The following VPS53 variants were observed in gnomAD, a reference collection of about 807,000 sequenced individuals.
VPS53 encodes VPS53 subunit of GARP complex.
A neutral mutation model predicts 107.0 loss-of-function variants in VPS53; 70 were observed. That is an observed-to-expected ratio of 0.65 (90% CI 0.54 to 0.80). The LOEUF is 0.80. Among genes scored for constraint, VPS53 ranks in the 30% least tolerant of loss-of-function variants. VPS53 has a pLI of 0.00. For missense variants in VPS53, 917 were observed against 1,049.4 expected (o/e 0.87, Z 1.74); for synonymous variants, 409 against 393.3 (o/e 1.04, Z -0.47).
intron 7 of VPS53, among the ~76,000 whole-genome samples, chr17:641,348 A>G (rs564792605): frequency 6.6e-6 from 1 of 152,350 alleles, no homozygotes; most frequent in South Asian, 2.1e-4. Flanking sequence ...ACTTGAAAGA[A>G]TTTATCTTTG....
chr17:658,561 G>A (rs918796930), intron 5 of VPS53, among the ~76,000 whole-genome samples: 2 of 151,010 alleles, frequency 1.3e-5, no homozygotes, highest in African/African-American at 4.9e-5. Flanking sequence ...AAACTTGGCC[G>A]TGAGTTCTTG....
At chr17:535,230 G>GC (rs951743766) in intron 18 of VPS53, among the ~76,000 whole-genome samples, 1 of 152,192 alleles carries the variant, frequency 6.6e-6, no homozygotes, top group African/African-American at 2.4e-5. Context: ...GTGAGGGGGG[G>GC]CATCCAATTC....
intron 4 of VPS53, among the ~76,000 whole-genome samples, chr17:688,198 G>C (rs868096433): frequency 6.6e-6 from 1 of 152,188 alleles, no homozygotes; most frequent in Admixed American, 6.5e-5. Context: ...GAGGGACCTG[G>C]TGGGAAGTCA....
chr17:556,784 C>T lies in VPS53; in HGVS notation c.1705-3322G>A, dbSNP rs1028316468. On this transcript the variant is annotated intron_variant, in intron 15 of 21. Transcript: ENST00000437048. ...GCATGTAACTTAAAACTAATGGGGG[C>T]GCCAGATAATAAGGAAGTAAGCCAG... Among the ~76,000 whole-genome samples, 7 of 143,008 alleles carry T rather than the reference C, an allele frequency of 4.9e-5. No homozygotes were observed. The South Asian group carries it at 6.6e-4, about 14-fold the overall frequency. The allele number at this position is 143,008 out of a possible 152,430, so 93.8% of individuals were successfully genotyped here.
At chr17:654,830 G>A (rs1971119749) in intron 6 of VPS53, among the ~76,000 whole-genome samples, 1 of 151,920 alleles carries the variant, frequency 6.6e-6, no homozygotes, top group African/African-American at 2.4e-5. Flanking sequence ...ACCACCGCCT[G>A]GTCTTACCAC....
intron 4 of VPS53, chr17:673,669 A>C (rs1189475432): frequency 6.6e-6 from 1 of 152,232 alleles, no homozygotes; most frequent in Non-Finnish European, 1.5e-5. Context: ...ATGTTTACAC[A>C]AATTCCTCCA....
intron 14 of VPS53, among the ~76,000 whole-genome samples, chr17:561,261 G>T (rs975345119): frequency 1.3e-5 from 2 of 152,190 alleles, no homozygotes; most frequent in African/African-American, 4.8e-5. Context: ...TTTTGGGGCA[G>T]CCCCAGCTAC....
At chr17:552,038 T>C (rs1036652815) in intron 16 of VPS53, 88 bp from the exon 17 acceptor site, 29 of 1,255,476 alleles carry the variant, frequency 2.3e-5, no homozygotes, top group African/African-American at 4.5e-5. Flanking sequence ...AAAAATCAGA[T>C]TCATCATTTC....
chr17:578,366 T>C (rs530033514), intron 13 of VPS53, among the ~76,000 whole-genome samples: 17 of 150,728 alleles, frequency 1.1e-4, no homozygotes, highest in African/African-American at 3.9e-4. Context: ...ACCTAATGCG[T>C]TCCTAGAGAA....
chr17:539,636 C>T (rs959551599), intron 17 of VPS53, among the ~76,000 whole-genome samples: 5 of 152,142 alleles, frequency 3.3e-5, no homozygotes, highest in African/African-American at 1.2e-4. Flanking sequence ...AAGGTTGGGG[C>T]TGCAGGGAGC....
intron 13 of VPS53, among the ~76,000 whole-genome samples, chr17:568,881 T>A (rs1368391227): frequency 6.6e-6 from 1 of 152,154 alleles, no homozygotes; most frequent in African/African-American, 2.4e-5. Flanking sequence ...CACACAGCTA[T>A]AGAGGCATAT....
chr17:673,207 T>C (rs1455278416), intron 4 of VPS53, among the ~76,000 whole-genome samples: 1 of 151,208 alleles, frequency 6.6e-6, no homozygotes, highest in Non-Finnish European at 1.5e-5. Context: ...GGATGAGTGC[T>C]ACCACATCTG....
In VPS53 at chr17:697,457, A is replaced by G. The variant is rs775156267; in HGVS notation, c.246T>C (p.Val82=). ...GCCCCACGTTCGTCTGACCTCTTAC[A>G]ACAGTTCGAATATTGTCATCCAGTC... ...IRRLDDNIRT[V]VRGQTNVGQD... The change falls in exon 4 of 22, where the codon GTT becomes GTC. Residue 82 remains valine (V), a synonymous_variant. Coordinates refer to ENST00000437048, the MANE Select transcript of VPS53 (RefSeq NM_001128159.3). The G allele has an allele frequency of 2.5e-6, 4 of 1,614,068 alleles. No homozygotes were observed. Among genetic ancestry groups the G allele is most frequent in the Non-Finnish European group, 3.4e-6 (4 of 1,179,894 alleles).
At chr17:662,040 AT>A (rs1198170724) in intron 4 of VPS53, 145 bp from the exon 5 acceptor site, 1 of 693,096 alleles carries the variant, frequency 1.4e-6, no homozygotes, top group African/African-American at 1.8e-5. Flanking sequence ...CTGGACCAAA[AT>A]AGTAGAGACC....
chr17:539,511 A>G (rs1910419263), intron 17 of VPS53, among the ~76,000 whole-genome samples: 1 of 152,218 alleles, frequency 6.6e-6, no homozygotes, highest in African/African-American at 2.4e-5. Context: ...AAGTGATTTA[A>G]AGTACTAGAA....
At chr17:659,506 C>A (rs1421412367) in intron 5 of VPS53, among the ~76,000 whole-genome samples, 1 of 152,168 alleles carries the variant, frequency 6.6e-6, no homozygotes, top group African/African-American at 2.4e-5. Context: ...GTCTTGAACT[C>A]CTGGCCTCAA....
At chr17:688,556 T>A (rs1003782023) in intron 4 of VPS53, among the ~76,000 whole-genome samples, 1 of 152,198 alleles carries the variant, frequency 6.6e-6, no homozygotes, top group Admixed American at 6.5e-5. Context: ...ACTACATTGT[T>A]AAACAGTTAA....
chr17:662,773 GA>G lies in VPS53; in HGVS notation c.286-879del, dbSNP rs1971502168. The stretch of plus-strand genomic sequence containing the variant: ...AAAGAGAAAGAAAGAAAGAAAGAAA[GA>G]GAAAGAAAGAAAAAAAGAAAGAGAA... On this transcript the variant is annotated intron_variant, in intron 4 of 21. Transcript: ENST00000437048. Among the ~76,000 whole-genome samples, 72 of 59,440 alleles carry G rather than the reference GA, an allele frequency of 1.2e-3. No individual in the cohort carries two copies. In the South Asian group the frequency reaches 0.043, roughly 36 times the overall value. 39.0% of individuals were successfully genotyped at this position (59,440 alleles called of 152,430 possible).
intron 1 of VPS53, among the ~76,000 whole-genome samples, chr17:712,974 T>A (rs1292056240): frequency 1.3e-5 from 2 of 152,160 alleles, no homozygotes; most frequent in African/African-American, 4.8e-5. Context: ...ACTAAAAGCT[T>A]CCTGCCCAAT....
Sources: allele counts gnomAD v4.1 joint callset (sites outside exome capture counted in the v4.1 genomes callset), GRCh38; gene constraint gnomAD v4.1.1; transcripts MANE v1.5; gene names NCBI Gene and HGNC (gene_info 2026-07-23, HGNC 2026-07-21).